SLAMF6: variants seen among roughly 807,000 people sequenced by gnomAD.
SLAMF6 encodes SLAM family member 6, also known as NK-T-B-antigen.
In SLAMF6, 21 loss-of-function variants were observed where a neutral mutation model predicts 38.3. The ratio of observed to expected loss-of-function variants is 0.55; its 90% CI spans 0.39 to 0.79. The LOEUF (loss-of-function observed/expected upper bound fraction) is 0.79. Ranked by LOEUF, SLAMF6 falls within the 30% of genes least tolerant of loss-of-function variation. The pLI, the probability that SLAMF6 is intolerant of heterozygous loss-of-function variation, is 0.00. For missense variants in SLAMF6, 341 were observed against 385.3 expected, an observed-to-expected ratio of 0.89 and a Z score of 0.96; for synonymous variants, 152 against 146.3, an observed-to-expected ratio of 1.04 and a Z score of -0.28.
At chr1:160,507,005 A>G (rs181467438) in intron 1 of SLAMF6, among the ~76,000 whole-genome samples, 2 of 152,258 alleles carry the variant, frequency 1.3e-5, no homozygotes, top group East Asian at 3.9e-4. Flanking sequence ...CATACAGAAA[A>G]GAAATGGCAA....
At chr1:160,499,919 T>A (rs1653795187) in intron 1 of SLAMF6, among the ~76,000 whole-genome samples, 1 of 152,226 alleles carries the variant, frequency 6.6e-6, no homozygotes, top group Admixed American at 6.5e-5. Context: ...TCCTCTTTCC[T>A]CTGAATCACA....
chr1:160,494,222 T>C (rs1312327594), intron 2 of SLAMF6, among the ~76,000 whole-genome samples: 1 of 152,178 alleles, frequency 6.6e-6, no homozygotes, highest in Non-Finnish European at 1.5e-5. Flanking sequence ...TCTCTGTGTA[T>C]GTGACTTTGA....
intron 6 of SLAMF6, among the ~76,000 whole-genome samples, chr1:160,487,832 G>C (rs1048227684): frequency 6.6e-6 from 1 of 152,184 alleles, no homozygotes; most frequent in Non-Finnish European, 1.5e-5. Context: ...GCTCATGCCT[G>C]TAAACCCAAC....
At chr1:160,508,231 A>G (rs1654289728) in intron 1 of SLAMF6, among the ~76,000 whole-genome samples, 1 of 152,214 alleles carries the variant, frequency 6.6e-6, no homozygotes, top group African/African-American at 2.4e-5. Flanking sequence ...ACAAAGCTAG[A>G]GGCATCTCAC....
intron 1 of SLAMF6, among the ~76,000 whole-genome samples, chr1:160,512,175 GC>G (rs1654504169): frequency 6.6e-6 from 1 of 152,220 alleles, no homozygotes; most frequent in Admixed American, 6.5e-5. Context: ...CCCTGCCAGT[GC>G]CAGAGGGACT....
In SLAMF6 at chr1:160,490,201, G is replaced by A. The variant is rs755650664; in HGVS notation, c.793C>T (p.Pro265Ser). 8 of 1,613,682 alleles carry A rather than the reference G, an allele frequency of 5.0e-6. No individual in the cohort carries two copies. In the East Asian group the frequency reaches 1.8e-4, roughly 36 times the overall value. ...AGTTAAGAGTCTGAATGCTCACCGG[G>A]GCCCTGTGTTCGCTGAGTAGACAAA... ...LSLSTQRTQG[P>S]AESARNLEYV... The change falls in exon 5 of 8, where the codon CCC (proline) becomes TCC (serine). Residue 265 changes from proline (P) to serine (S), a missense_variant. Physicochemically the swap from Pro to Ser is moderately conservative, Grantham distance 74 (BLOSUM62 -1). Transcript: ENST00000368057.
chr1:160,493,201 C>T (rs1036960551), intron 2 of SLAMF6, among the ~76,000 whole-genome samples: 1 of 152,138 alleles, frequency 6.6e-6, no homozygotes, highest in Non-Finnish European at 1.5e-5. Flanking sequence ...TGCTCCTGGA[C>T]GTTTGGCCTC....
In SLAMF6 at chr1:160,514,827, A is replaced by G. The variant is rs535755111; in HGVS notation, c.49+8317T>C. Among the ~76,000 whole-genome samples the G allele has an allele frequency of 3.3e-5, 5 of 152,362 alleles. No homozygotes were observed. In the South Asian group the frequency reaches 6.2e-4, roughly 19 times the overall value. ...ACCAATGAGAACAAAGAGACAATGT[A>G]TCAGAATCTCTGGATGCAGCTAAAG... On this transcript the variant is annotated intron_variant, in intron 1 of 7. Transcript: ENST00000368057.
chr1:160,498,589 C>G (rs775046877), intron 1 of SLAMF6, among the ~76,000 whole-genome samples: 29 of 152,248 alleles, frequency 1.9e-4, no homozygotes, highest in Non-Finnish European at 3.5e-4. Flanking sequence ...CAGGAAAGAC[C>G]TACCCCCAGA....
intron 1 of SLAMF6, among the ~76,000 whole-genome samples, chr1:160,505,559 C>T (rs1654139309): frequency 6.6e-6 from 1 of 152,098 alleles, no homozygotes; most frequent in African/African-American, 2.4e-5. Context: ...ATGCCACCAT[C>T]CCTGGCTAAT....
intron 1 of SLAMF6, among the ~76,000 whole-genome samples, chr1:160,499,011 T>C (rs1017898298): frequency 1.3e-5 from 2 of 152,202 alleles, no homozygotes; most frequent in Non-Finnish European, 2.9e-5. Flanking sequence ...TTCTGTAAGA[T>C]GTCTGTTTAC....
At chr1:160,487,663 G>A (rs1030685846) in intron 6 of SLAMF6, among the ~76,000 whole-genome samples, 2 of 152,156 alleles carry the variant, frequency 1.3e-5, no homozygotes, top group African/African-American at 4.8e-5. Flanking sequence ...TGGTAGAATA[G>A]GAACACTTGG....
At chr1:160,514,139 C>T (rs1557948710) in intron 1 of SLAMF6, among the ~76,000 whole-genome samples, 2 of 152,116 alleles carry the variant, frequency 1.3e-5, no homozygotes, top group African/African-American at 4.8e-5. Context: ...CATGCAAACA[C>T]ACACATAGGT....
chr1:160,505,160 G>C (rs1348177791), intron 1 of SLAMF6, among the ~76,000 whole-genome samples: 1 of 152,074 alleles, frequency 6.6e-6, no homozygotes, highest in Non-Finnish European at 1.5e-5. Flanking sequence ...TACAAAAATA[G>C]TTTAGAATAG....
chr1:160,514,567 A>T (rs915235648), intron 1 of SLAMF6, among the ~76,000 whole-genome samples: 1 of 152,224 alleles, frequency 6.6e-6, no homozygotes, highest in African/African-American at 2.4e-5. Context: ...ATGCATTGCC[A>T]CATGGAACTT....
chr1:160,496,494 G>A (rs975600252), intron 1 of SLAMF6, 101 bp from the exon 2 acceptor site: 2 of 1,153,950 alleles, frequency 1.7e-6, no homozygotes, highest in Admixed American at 2.2e-5. Flanking sequence ...AGAGCTCTCT[G>A]ATACCAAAAC....
intron 1 of SLAMF6, among the ~76,000 whole-genome samples, chr1:160,520,689 AT>A (rs1654945524): frequency 6.6e-6 from 1 of 152,140 alleles, no homozygotes; most frequent in South Asian, 2.1e-4. Flanking sequence ...AAATGGGATT[AT>A]TTTTCAATAT....
chr1:160,496,418 T>G, intron 1 of SLAMF6, 25 bp from the exon 2 acceptor site: 2 of 1,604,434 alleles, frequency 1.2e-6, no homozygotes, highest in South Asian at 1.1e-5. Flanking sequence ...GGAAAGGTTT[T>G]AAAAATGTTC....
intron 1 of SLAMF6, among the ~76,000 whole-genome samples, chr1:160,505,847 G>GA (rs1383148474): frequency 6.6e-6 from 1 of 152,084 alleles, no homozygotes; most frequent in African/African-American, 2.4e-5. Context: ...TTCTGGAGCT[G>GA]AAAAAATACA....
Sources: allele counts gnomAD v4.1 joint callset (sites outside exome capture counted in the v4.1 genomes callset), GRCh38; gene constraint gnomAD v4.1.1; transcripts MANE v1.5; gene names NCBI Gene and HGNC (gene_info 2026-07-23, HGNC 2026-07-21).